ZMIZ1: variants seen among roughly 807,000 people sequenced by gnomAD.
The protein encoded by ZMIZ1 is zinc finger MIZ-type containing 1.
A neutral mutation model predicts 113.9 loss-of-function variants in ZMIZ1; 17 were observed. That is an observed-to-expected ratio of 0.15 (90% confidence interval 0.10 to 0.22). The LOEUF is 0.22. Among genes scored for constraint, ZMIZ1 ranks in the 10% least tolerant of loss-of-function variants. ZMIZ1 has a pLI of 1.00. For synonymous variants in ZMIZ1, 607 were observed against 603.1 expected, an observed-to-expected ratio of 1.01 and a Z score of -0.09; for missense variants, 1,059 against 1,477.8, an observed-to-expected ratio of 0.72 and a Z score of 4.65.
intron 1 of ZMIZ1, among the ~76,000 whole-genome samples, chr10:79,094,763 A>G (rs1240272595): frequency 1.3e-5 from 2 of 152,346 alleles, no homozygotes; most frequent in South Asian, 2.1e-4. Flanking sequence ...AGCCTGGGCA[A>G]CACAGTGAAA....
At chr10:79,152,592 G>A (rs1015946199) in intron 3 of ZMIZ1, among the ~76,000 whole-genome samples, 1 of 152,258 alleles carries the variant, frequency 6.6e-6, no homozygotes, top group South Asian at 2.1e-4. Flanking sequence ...GAAAGCTCTA[G>A]TCTGGATGGC....
Position 79,292,176 on chromosome 10 carries a change from C to A in ZMIZ1, c.777C>A (p.Asn259Lys). Residue 259 changes from asparagine to lysine, a missense_variant, in exon 11 of 25, where the codon AAC becomes AAA. Around this residue, in one of 6 missense-constraint regions of ZMIZ1, gnomAD observed 272 missense variants for 350.4 expected, o/e 0.78. Transcript: ENST00000334512. ...GFGASYPGGP[N>K]APAGMGIPPH... Reference sequence around the variant, plus strand: ...CCTGCAGTTACCCTGGGGGTCCTAACGCCCCCGCAGGCATGGGCATCCCTC... The same window carrying A: ...CCTGCAGTTACCCTGGGGGTCCTAAAGCCCCCGCAGGCATGGGCATCCCTC... 1 of 1,609,658 alleles carries A rather than the reference C, an allele frequency of 6.2e-7. No individual in the cohort carries two copies. Among genetic ancestry groups the A allele is most frequent in the Non-Finnish European group, 8.5e-7 (1 of 1,178,002 alleles).
chr10:79,117,791 G>T (rs980788637), intron 1 of ZMIZ1, among the ~76,000 whole-genome samples: 1 of 152,204 alleles, frequency 6.6e-6, no homozygotes, highest in African/African-American at 2.4e-5. Context: ...GCATCTTGTG[G>T]ACACTGGAAG....
At chr10:79,250,793 A>G (rs1269464270) in intron 7 of ZMIZ1, among the ~76,000 whole-genome samples, 1 of 152,138 alleles carries the variant, frequency 6.6e-6, no homozygotes, top group Non-Finnish European at 1.5e-5. Context: ...TCAGGTGCCC[A>G]AAGGGTGCCT....
At chr10:79,227,850 G>T (rs1849253937) in intron 7 of ZMIZ1, among the ~76,000 whole-genome samples, 1 of 152,212 alleles carries the variant, frequency 6.6e-6, no homozygotes, top group Non-Finnish European at 1.5e-5. Flanking sequence ...GACAGCAGAG[G>T]TTTAGATGGG....
At position 79,293,595 on chromosome 10, in the gene ZMIZ1, C is replaced by G. The variant is rs770865298; in HGVS notation, c.1172C>G (p.Pro391Arg). 1 of 1,613,106 alleles carries G rather than the reference C, an allele frequency of 6.2e-7. No individual in the cohort carries two copies. The highest frequency in any genetic ancestry group is 8.5e-7 in the Non-Finnish European group (1 of 1,180,016). The change falls in exon 12 of 25, where the codon CCG (proline) becomes CGG (arginine). Residue 391 changes from proline (P) to arginine (R), a missense_variant. Physicochemically the swap from Pro to Arg is moderately radical, Grantham distance 103. This residue lies in a region of ZMIZ1 where 239 missense variants were observed against 247.5 expected (regional missense o/e 0.97). Transcript: ENST00000334512. Reference sequence around the variant, plus strand: ...CAGCGGATGCCCCAGCAGACCTACCCGGGCCCCCGGCCCCAGTCCCTTCCT... The same window carrying G: ...CAGCGGATGCCCCAGCAGACCTACCGGGGCCCCCGGCCCCAGTCCCTTCCT... The part of the protein sequence containing the change: ...HGQRMPQQTY[P>R]GPRPQSLPIQ...
In ZMIZ1 at chr10:79,143,337, C is replaced by T. The variant is rs74141790; in HGVS notation, c.-131+3560C>T. Among the ~76,000 whole-genome samples the T allele has an allele frequency of 2.6e-3, 389 of 152,254 alleles. 3 individuals are homozygous for T. Among genetic ancestry groups the T allele is most frequent in the African/African-American group, 8.4e-3 (350 of 41,540 alleles). ...TCACAGGAGAGGGCTCCCCGAGACT[C>T]TGGAAACAGACCCAGGAGCTTCTGA... On this transcript the variant is annotated intron_variant, in intron 3 of 24. Coordinates refer to ENST00000334512, the MANE Select transcript of ZMIZ1 (RefSeq NM_020338.4).
intron 1 of ZMIZ1, among the ~76,000 whole-genome samples, chr10:79,075,312 C>CCTTGA: frequency 6.6e-6 from 1 of 152,332 alleles, no homozygotes; most frequent in Non-Finnish European, 1.5e-5. Context: ...GGGACAGAGA[C>CCTTGA]TGGCTCAGGA....
chr10:79,262,747 T>C (rs570028417), intron 7 of ZMIZ1, among the ~76,000 whole-genome samples: 1 of 152,276 alleles, frequency 6.6e-6, no homozygotes, highest in African/African-American at 2.4e-5. Context: ...TGACATGTAT[T>C]CTCCAGAATG....
chr10:79,084,600 G>C (rs953200567), intron 1 of ZMIZ1, among the ~76,000 whole-genome samples: 2 of 152,206 alleles, frequency 1.3e-5, no homozygotes, highest in Non-Finnish European at 2.9e-5. Flanking sequence ...CCATCAATAA[G>C]ATGCAGGTGT....
At chr10:79,177,774 T>G (rs1412948278) in intron 4 of ZMIZ1, among the ~76,000 whole-genome samples, 1 of 152,168 alleles carries the variant, frequency 6.6e-6, no homozygotes, top group Non-Finnish European at 1.5e-5. Flanking sequence ...TTTTTTTCCT[T>G]ATTGTAAAGT....
intron 7 of ZMIZ1, among the ~76,000 whole-genome samples, chr10:79,253,804 C>G (rs1850701909): frequency 6.6e-6 from 1 of 152,164 alleles, no homozygotes; most frequent in Non-Finnish European, 1.5e-5. Flanking sequence ...CAAAGATATC[C>G]ATCTGCTCAG....
chr10:79,250,136 C>T (rs1356829175), intron 7 of ZMIZ1, among the ~76,000 whole-genome samples: 4 of 152,218 alleles, frequency 2.6e-5, no homozygotes, highest in Admixed American at 6.5e-5. Context: ...TTCATCCCCT[C>T]GCAGCATGGG....
chr10:79,098,190 G>C (rs775092497), intron 1 of ZMIZ1, among the ~76,000 whole-genome samples: 7 of 152,220 alleles, frequency 4.6e-5, no homozygotes, highest in Non-Finnish European at 8.8e-5. Context: ...TAGGAGAAGA[G>C]ACTATTAGAC....
Position 79,289,819 on chromosome 10 carries a change from C to G in ZMIZ1, c.470C>G (p.Thr157Ser), listed in dbSNP as rs1433864880. 6.2e-7 allele frequency: 1 copy of G among 1,613,974 alleles called. No homozygotes were observed. Among genetic ancestry groups the G allele is most frequent in the African/African-American group, 1.3e-5 (1 of 74,942 alleles). Residue 157 changes from threonine (T) to serine (S), a missense_variant, in exon 9 of 25, where the codon ACC becomes AGC. Physicochemically the swap from Thr to Ser is moderately conservative, Grantham distance 58. This residue lies in a region of ZMIZ1 where 272 missense variants were observed against 350.4 expected (regional missense o/e 0.78). Coordinates refer to ENST00000334512, the MANE Select transcript of ZMIZ1 (RefSeq NM_020338.4). The part of the protein sequence containing the change: ...PYDSVPWQQN[T>S]NQPPGSLSVV... ...GACTCTGTCCCTTGGCAGCAGAACA[C>G]CAACCAGCCTCCCGGCTCCCTTTCC...
chr10:79,157,435 C>A (rs1409741184), intron 3 of ZMIZ1, among the ~76,000 whole-genome samples: 1 of 151,412 alleles, frequency 6.6e-6, no homozygotes, highest in African/African-American at 2.4e-5. Flanking sequence ...ACAGCTGAGG[C>A]CTAATGACAG....
chr10:79,157,125 C>T (rs1296289689), intron 3 of ZMIZ1, among the ~76,000 whole-genome samples: 4 of 150,086 alleles, frequency 2.7e-5, no homozygotes, highest in South Asian at 2.1e-4. Context: ...CTGCACAAGG[C>T]GCCATGTAGG....
Position 79,099,103 on chromosome 10 carries a change from CT to C in ZMIZ1, c.-336-19811del, listed in dbSNP as rs984539923. Among the ~76,000 whole-genome samples the C allele has an allele frequency of 3.3e-5, 5 of 152,204 alleles. 1 individual carries two copies. The highest frequency in any genetic ancestry group is 7.2e-5 in the African/African-American group (3 of 41,456). On this transcript the variant is annotated intron_variant, in intron 1 of 24. Coordinates refer to ENST00000334512, the MANE Select transcript of ZMIZ1 (RefSeq NM_020338.4). ...TGAGACCCAGCAAGGCCTGCACCCCCTCCTCGACACCCACCCACCCTAGAGC... is the reference window on the plus strand; with the variant it reads ...TGAGACCCAGCAAGGCCTGCACCCCCCCTCGACACCCACCCACCCTAGAGC...
chr10:79,095,077 C>A (rs1366012379), intron 1 of ZMIZ1, among the ~76,000 whole-genome samples: 2 of 152,196 alleles, frequency 1.3e-5, no homozygotes, highest in African/African-American at 4.8e-5. Flanking sequence ...GGAGCTCTGA[C>A]TCTCAGACCA....
Sources: allele counts gnomAD v4.1 joint callset (sites outside exome capture counted in the v4.1 genomes callset), GRCh38; gene constraint gnomAD v4.1.1; regional missense constraint gnomAD v4.1.1; transcripts MANE v1.5; gene names NCBI Gene and HGNC (gene_info 2026-07-23, HGNC 2026-07-21).